EXOC6: variants seen among roughly 807,000 people sequenced by gnomAD.
The protein encoded by EXOC6 is exocyst complex component 6.
A neutral mutation model predicts 112.5 loss-of-function variants in EXOC6; 60 were observed. The observed-to-expected ratio is 0.53, with a 90% CI of 0.43 to 0.66. The LOEUF (loss-of-function observed/expected upper bound fraction) is 0.66. EXOC6 is among the 30% of genes least tolerant of loss of function. The pLI is 0.00. For synonymous variants in EXOC6, 295 were observed against 308.0 expected, an observed-to-expected ratio of 0.96 and a Z score of 0.44; for missense variants, 855 against 957.1, an observed-to-expected ratio of 0.89 and a Z score of 1.41.
intron 12 of EXOC6, among the ~76,000 whole-genome samples, chr10:92,938,518 T>C (rs1474343501): frequency 6.6e-6 from 1 of 152,168 alleles, no homozygotes; most frequent in African/African-American, 2.4e-5. Context: ...ATTTTGCTTT[T>C]TAAAATGCTA....
chr10:93,053,021 A>C (rs1042578920), intron 20 of EXOC6, among the ~76,000 whole-genome samples: 3 of 152,296 alleles, frequency 2.0e-5, no homozygotes, highest in African/African-American at 7.2e-5. Flanking sequence ...TAGAGAAGTG[A>C]GATTTTTCAT....
At chr10:92,955,326 T>TA (rs1371406734) in intron 16 of EXOC6, among the ~76,000 whole-genome samples, 3 of 152,192 alleles carry the variant, frequency 2.0e-5, no homozygotes, top group Non-Finnish European at 4.4e-5. Context: ...ATTTGAAACA[T>TA]ACTATGAAAA....
chr10:92,977,047 T>C (rs990467048), intron 18 of EXOC6, among the ~76,000 whole-genome samples: 1 of 152,228 alleles, frequency 6.6e-6, no homozygotes, highest in Admixed American at 6.6e-5. Context: ...TTTTATCTTA[T>C]GATACGATAT....
At chr10:92,952,472 C>T in intron 15 of EXOC6, 90 bp downstream of exon 15, 1 of 826,290 alleles carries the variant, frequency 1.2e-6, no homozygotes, top group South Asian at 1.5e-5. Context: ...TTTTCCTCAA[C>T]TTTTATTTTA....
rs1394100815 is a variant in EXOC6, at chr10:92,948,344, A to C, written c.1381A>C (p.Ser461Arg). 6.2e-7 allele frequency: 1 copy of C among 1,607,572 alleles called. No individual in the cohort carries two copies. The change falls in exon 14 of 22, where the codon AGC becomes CGC. Residue 461 changes from serine to arginine, a missense_variant. Physicochemically the swap from Ser to Arg is moderately radical, Grantham distance 110 (BLOSUM62 -1). This residue lies in a region of EXOC6 where 450 missense variants were observed against 563.5 expected (regional missense o/e 0.80). Coordinates refer to ENST00000260762, the MANE Select transcript of EXOC6 (RefSeq NM_019053.6). ...VNEEEYKIVI[S>R]KFPFQDPDLE... ...TGAAGAAGAATATAAAATTGTCATC[A>C]GCAAATTTCCCTTTCAAGATCCAGA...
Position 92,867,247 on chromosome 10 carries a change from A to G in EXOC6, c.101+18613A>G, listed in dbSNP as rs549367449. 9.2e-5 allele frequency among the ~76,000 whole-genome samples: 14 copies of G among 152,322 alleles called. No individual in the cohort carries two copies. The South Asian group carries it at 1.9e-3, about 20-fold the overall frequency. On this transcript the variant is annotated intron_variant, in intron 1 of 21. Coordinates refer to ENST00000260762, the MANE Select transcript of EXOC6 (RefSeq NM_019053.6). ...AGACTAACAAACCAAAGTCTCTTTTATCTTTTACCCAAGTGATCTCTATCA... is the reference window on the plus strand; with the variant it reads ...AGACTAACAAACCAAAGTCTCTTTTGTCTTTTACCCAAGTGATCTCTATCA...
intron 6 of EXOC6, among the ~76,000 whole-genome samples, chr10:92,912,765 A>T (rs1055358766): frequency 6.6e-6 from 1 of 152,204 alleles, no homozygotes; most frequent in Non-Finnish European, 1.5e-5. Context: ...AACCAGTCAG[A>T]CCAGAAATTC....
chr10:93,042,872 A>G (rs1026077559), intron 20 of EXOC6, among the ~76,000 whole-genome samples: 3 of 151,992 alleles, frequency 2.0e-5, no homozygotes, highest in Admixed American at 6.6e-5. Context: ...TTCCAGCCAG[A>G]TGGTGCCGAT....
intron 17 of EXOC6, among the ~76,000 whole-genome samples, chr10:92,963,580 TG>T (rs1360234853): frequency 6.6e-6 from 1 of 151,006 alleles, no homozygotes; most frequent in Non-Finnish European, 1.5e-5. Flanking sequence ...CTTGAACTCC[TG>T]GGCTCAAGTG....
At chr10:92,887,390 ATTTTTTTTTTTTTTT>A (rs11304638) in intron 1 of EXOC6, among the ~76,000 whole-genome samples, 2 of 83,772 alleles carry the variant, frequency 2.4e-5, no homozygotes, top group African/African-American at 1.0e-4. Flanking sequence ...GATTAATTTA[ATTTTTTTTTTTTTTT>A]TTTTTTTTGG....
chr10:93,042,481 T>C (rs1390185702), intron 20 of EXOC6, among the ~76,000 whole-genome samples: 3 of 152,238 alleles, frequency 2.0e-5, no homozygotes, highest in Admixed American at 1.3e-4. Context: ...GTGTCAAATA[T>C]AGTGCTTGTC....
At chr10:92,975,703 C>T (rs1842540511) in intron 18 of EXOC6, among the ~76,000 whole-genome samples, 1 of 115,732 alleles carries the variant, frequency 8.6e-6, no homozygotes, top group African/African-American at 3.4e-5. Context: ...AAGTGAGGAG[C>T]CCCTCTGCCC....
At position 92,952,382 on chromosome 10, in the gene EXOC6, G is replaced by C. The variant is rs896997873; in HGVS notation, c.1526G>C (p.Ser509Thr). 1 of 1,557,718 alleles carries C rather than the reference G, an allele frequency of 6.4e-7. No individual in the cohort carries two copies. Among genetic ancestry groups the C allele is most frequent in the Non-Finnish European group, 8.8e-7 (1 of 1,132,198 alleles). The change falls in exon 15 of 22, where the codon AGC (serine) becomes ACC (threonine). Residue 509 changes from serine (S) to threonine (T), a missense_variant and splice_region_variant. Ser to Thr is a moderately conservative substitution (Grantham distance 58, BLOSUM62 1). This residue lies in a region of EXOC6 where 450 missense variants were observed against 563.5 expected (regional missense o/e 0.80). Transcript: ENST00000260762. ...SLKFSESLHRSSTEIDDMLRK... is the reference protein window; with the variant it reads ...SLKFSESLHRTSTEIDDMLRK... ...AAATTTTCAGAGTCACTACACCGGA[G>C]GTGAGTTTACTAATCACAAATGCAT...
chr10:92,874,313 G>A (rs1444377641), intron 1 of EXOC6, among the ~76,000 whole-genome samples: 4 of 152,098 alleles, frequency 2.6e-5, no homozygotes, highest in African/African-American at 9.7e-5. Context: ...CATCAGCCTG[G>A]TGACCTCTTT....
chr10:92,927,221 T>C (rs564019129), intron 8 of EXOC6, among the ~76,000 whole-genome samples: 4 of 152,170 alleles, frequency 2.6e-5, no homozygotes, highest in African/African-American at 9.7e-5. Context: ...TCTTTTGACT[T>C]TGGAGCCTTA....
At chr10:92,849,800 A>G (rs1847236144) in intron 1 of EXOC6, among the ~76,000 whole-genome samples, 1 of 151,334 alleles carries the variant, frequency 6.6e-6, no homozygotes, top group African/African-American at 2.4e-5. Context: ...AAATTATTTA[A>G]CCTCTCTGGA....
At chr10:92,877,213 C>A (rs1433701914) in intron 1 of EXOC6, among the ~76,000 whole-genome samples, 1 of 152,050 alleles carries the variant, frequency 6.6e-6, no homozygotes, top group East Asian at 1.9e-4. Context: ...CTGTGGAAAT[C>A]AGCAATGAAT....
In EXOC6 at chr10:93,012,956, T is replaced by C. The variant is rs1377775082; in HGVS notation, c.2096-1238T>C. On this transcript the variant is annotated intron_variant, in intron 19 of 21. Coordinates refer to ENST00000260762, the MANE Select transcript of EXOC6 (RefSeq NM_019053.6). Reference sequence around the variant, plus strand: ...CCAGCTACTTGGGAGGCTGATTCCTTGAGCCCAGGAGTTCGAGGTTGCAGT... The same window carrying C: ...CCAGCTACTTGGGAGGCTGATTCCTCGAGCCCAGGAGTTCGAGGTTGCAGT... Among the ~76,000 whole-genome samples the C allele has an allele frequency of 2.0e-5, 3 of 151,794 alleles. No homozygotes were observed. In the East Asian group the frequency reaches 5.8e-4, roughly 30 times the overall value.
chr10:93,035,150 C>T (rs1845458870), intron 20 of EXOC6, among the ~76,000 whole-genome samples: 1 of 152,214 alleles, frequency 6.6e-6, no homozygotes, highest in Non-Finnish European at 1.5e-5. Flanking sequence ...TTTGGGAAAG[C>T]TTAGATTTTA....
Sources: gnomAD v4.1 joint callset for allele counts (sites outside exome capture counted in the v4.1 genomes callset) on GRCh38, gnomAD v4.1.1 for gene constraint, gnomAD v4.1.1 regional missense constraint, MANE v1.5 for transcripts, NCBI Gene and HGNC (gene_info 2026-07-23, HGNC 2026-07-21) for gene names.